The following PCDH9 variants were observed in gnomAD, a reference collection of about 807,000 sequenced individuals.
PCDH9 encodes protocadherin 9.
A neutral mutation model predicts 70.6 loss-of-function variants in PCDH9; 24 were observed. That is an observed-to-expected ratio of 0.34 (90% CI 0.25 to 0.48). The LOEUF is 0.48. PCDH9 is among the 20% of genes least tolerant of loss of function. The pLI is 0.99. For missense variants in PCDH9, 1,281 were observed against 1,503.6 expected (o/e 0.85, Z 2.45); for synonymous variants, 562 against 558.5 (o/e 1.01, Z -0.09).
intron 4 of PCDH9, among the ~76,000 whole-genome samples, chr13:66,309,014 G>A (rs1955518568): frequency 6.6e-6 from 1 of 152,038 alleles, no homozygotes; most frequent in Non-Finnish European, 1.5e-5. Context: ...TTTGCTTTAT[G>A]CTTTAAAAGT....
In PCDH9 at chr13:66,892,217, T is replaced by A. The variant is rs545271819; in HGVS notation, c.3138+11287A>T. Among the ~76,000 whole-genome samples the A allele has an allele frequency of 8.2e-3, 1,213 of 147,652 alleles. 15 individuals carry two copies. The highest frequency in any genetic ancestry group is 0.029 in the African/African-American group (1,157 of 39,862). On this transcript the variant is annotated intron_variant, in intron 3 of 4. Coordinates refer to ENST00000377865, the MANE Select transcript of PCDH9 (RefSeq NM_203487.3). Reference sequence around the variant, plus strand: ...TATGTGTTATGTGTGTGTATATATATAATATATATATATAATGTGTGTGTG... The same window carrying A: ...TATGTGTTATGTGTGTGTATATATAAAATATATATATATAATGTGTGTGTG...
At chr13:66,561,548 C>G (rs558763452) in intron 4 of PCDH9, among the ~76,000 whole-genome samples, 1 of 152,162 alleles carries the variant, frequency 6.6e-6, no homozygotes, top group Non-Finnish European at 1.5e-5. Context: ...ATACATCAAT[C>G]GGCACTCTGT....
chr13:67,091,628 G>C (rs1408994246), intron 2 of PCDH9, among the ~76,000 whole-genome samples: 2 of 152,094 alleles, frequency 1.3e-5, no homozygotes, highest in Non-Finnish European at 2.9e-5. Context: ...GTCTCACATA[G>C]CTGATCCTGC....
intron 3 of PCDH9, among the ~76,000 whole-genome samples, chr13:66,656,180 T>C (rs1197092340): frequency 6.6e-6 from 1 of 151,892 alleles, no homozygotes; most frequent in South Asian, 2.1e-4. Flanking sequence ...CAGGCCATTT[T>C]CTTGGCTGAG....
rs577584844 is a variant in PCDH9, at chr13:66,345,141, T to C, written c.3341-40113A>G. Among the ~76,000 whole-genome samples the C allele has an allele frequency of 2.6e-5, 4 of 152,258 alleles. No individual in the cohort carries two copies. The East Asian group carries it at 7.7e-4, about 29-fold the overall frequency. On this transcript the variant is annotated intron_variant, in intron 4 of 4. Coordinates refer to ENST00000377865, the MANE Select transcript of PCDH9 (RefSeq NM_203487.3). ...TTCGGGTAATGAACAGCTGCATAAT[T>C]TAAGGGTCGAGCTAGTAGGGCAGTG... is the stretch of plus-strand genomic sequence containing the variant.
intron 2 of PCDH9, among the ~76,000 whole-genome samples, chr13:67,159,754 AAATT>A (rs773271110): frequency 8.5e-5 from 13 of 152,204 alleles, no homozygotes; most frequent in Non-Finnish European, 1.6e-4. Context: ...ACTAAAAAAC[AAATT>A]CATTCAGGGA....
intron 2 of PCDH9, among the ~76,000 whole-genome samples, chr13:67,059,993 G>A (rs1440226377): frequency 6.6e-6 from 1 of 151,582 alleles, no homozygotes; most frequent in Non-Finnish European, 1.5e-5. Context: ...CTGTGTATGG[G>A]GGTATGAGTA....
chr13:66,863,209 T>C (rs1020625856), intron 3 of PCDH9, among the ~76,000 whole-genome samples: 1 of 152,192 alleles, frequency 6.6e-6, no homozygotes, highest in African/African-American at 2.4e-5. Flanking sequence ...ATCTGTTCTC[T>C]CTGGTAATGA....
intron 4 of PCDH9, among the ~76,000 whole-genome samples, chr13:66,388,439 T>G (rs765652527): frequency 1.2e-4 from 19 of 152,254 alleles, no homozygotes; most frequent in Middle Eastern, 3.4e-3. Flanking sequence ...TTACCAAGAT[T>G]TTTTTCCTTC....
At chr13:67,135,857 A>T (rs1178112898) in intron 2 of PCDH9, among the ~76,000 whole-genome samples, 1 of 151,974 alleles carries the variant, frequency 6.6e-6, no homozygotes, top group Admixed American at 6.6e-5. Flanking sequence ...AGAATTAGAG[A>T]CCTGGTGGTG....
intron 3 of PCDH9, among the ~76,000 whole-genome samples, chr13:66,658,074 T>A (rs190953311): frequency 2.4e-4 from 37 of 152,336 alleles, no homozygotes; most frequent in African/African-American, 8.9e-4. Flanking sequence ...CTAGGTTATA[T>A]GCAAGAACAA....
intron 3 of PCDH9, among the ~76,000 whole-genome samples, chr13:66,864,873 G>A (rs767870226): frequency 2.0e-4 from 31 of 152,212 alleles, no homozygotes; most frequent in Admixed American, 9.8e-4. Context: ...AAATGAACAG[G>A]TGTTGAACAA....
At chr13:66,692,771 G>A (rs1220586147) in intron 3 of PCDH9, among the ~76,000 whole-genome samples, 1 of 151,924 alleles carries the variant, frequency 6.6e-6, no homozygotes, top group Non-Finnish European at 1.5e-5. Flanking sequence ...ATTATTTAGA[G>A]ACGAACTAGA....
intron 2 of PCDH9, among the ~76,000 whole-genome samples, chr13:67,084,828 G>T (rs1028445710): frequency 6.6e-6 from 1 of 150,452 alleles, no homozygotes; most frequent in Non-Finnish European, 1.5e-5. Flanking sequence ...TTAGCTGGGC[G>T]TGGTGGCGGG....
chr13:66,510,834 TC>T (rs1472211541), intron 4 of PCDH9, among the ~76,000 whole-genome samples: 1 of 152,202 alleles, frequency 6.6e-6, no homozygotes, highest in Non-Finnish European at 1.5e-5. Context: ...GTGCTAAACA[TC>T]TTTTCATTAC....
chr13:67,228,656 C>T (rs2089941769), intron 1 of PCDH9, 81 bp from the exon 2 acceptor site: 1 of 408,462 alleles, frequency 2.4e-6, no homozygotes, highest in East Asian at 3.7e-5. Context: ...CACATTTTCC[C>T]CTGAACATTA....
rs563541060 is a variant in PCDH9 at position 66,950,079 on chromosome 13, G to A, written c.3037-46474C>T. ...ATCACATTAAATGAAAAATAATACC[G>A]CTTATCAAATGATTTATATAAATAT... On this transcript the variant is annotated intron_variant, in intron 2 of 4. Transcript: ENST00000377865. Among the ~76,000 whole-genome samples, 27 of 151,962 alleles carry A rather than the reference G, an allele frequency of 1.8e-4. 1 individual carries two copies. The Middle Eastern group carries it at 0.014, about 77-fold the overall frequency.
chr13:66,982,787 G>A (rs1456367562), intron 2 of PCDH9, among the ~76,000 whole-genome samples: 4 of 152,088 alleles, frequency 2.6e-5, no homozygotes, highest in South Asian at 2.1e-4. Flanking sequence ...CTTCAATCTC[G>A]CTGGCAACAT....
chr13:66,566,342 A>G (rs2076652068), intron 4 of PCDH9, among the ~76,000 whole-genome samples: 1 of 152,210 alleles, frequency 6.6e-6, no homozygotes, highest in Non-Finnish European at 1.5e-5. Flanking sequence ...GTACATATCC[A>G]TAAAATATAA....
Sources: gnomAD v4.1 joint callset for allele counts (sites outside exome capture counted in the v4.1 genomes callset) on GRCh38, gnomAD v4.1.1 for gene constraint, MANE v1.5 for transcripts, NCBI Gene and HGNC (gene_info 2026-07-23, HGNC 2026-07-21) for gene names.